PLVAP: variants seen among roughly 807,000 people sequenced by gnomAD.
PLVAP encodes plasmalemma vesicle associated protein, also known as plasmalemma vesicle-associated protein.
In PLVAP, 34 loss-of-function variants were observed where a neutral mutation model predicts 43.1. The observed-to-expected ratio is 0.79, with a 90% CI of 0.60 to 1.05. PLVAP has a LOEUF of 1.05. PLVAP is among the 50% of genes least tolerant of loss of function. PLVAP has a pLI of 0.00. For synonymous variants in PLVAP, 241 were observed against 237.3 expected (o/e 1.02, Z -0.14); for missense variants, 574 against 593.4 (o/e 0.97, Z 0.34).
chr19:17,358,679 C>A (rs1467730085), intron 5 of PLVAP, among the ~76,000 whole-genome samples: 1 of 152,226 alleles, frequency 6.6e-6, no homozygotes, highest in Non-Finnish European at 1.5e-5. Flanking sequence ...CAAGCCATGA[C>A]CTGAGCGTGT....
intron 1 of PLVAP, among the ~76,000 whole-genome samples, chr19:17,372,387 C>T (rs184785386): frequency 1.0e-4 from 15 of 148,846 alleles, no homozygotes; most frequent in East Asian, 4.0e-4. Context: ...CCAGCCTGGG[C>T]GACAGAGTGA....
rs778180557 is a variant in PLVAP, at chr19:17,376,958, G to T, written c.331C>A (p.Arg111Ser). The stretch of plus-strand genomic sequence containing the variant: ...CACTGGCGGAAGCTGGCATTGATGC[G>T]GTCCAGGTCGCGGCGAGCATTCAGC... ...MWLNARRDLDRINASFRQCQG... is the reference protein window; with the variant it reads ...MWLNARRDLDSINASFRQCQG... The change falls in exon 1 of 6, where the codon CGC (arginine) becomes AGC (serine). Residue 111 changes from arginine to serine, a missense_variant. Coordinates refer to ENST00000252590, the MANE Select transcript of PLVAP (RefSeq NM_031310.3). 1.2e-6 allele frequency: 2 copies of T among 1,614,068 alleles called. No individual in the cohort carries two copies. Among genetic ancestry groups the T allele is most frequent in the South Asian group, 2.2e-5 (2 of 91,080 alleles).
intron 5 of PLVAP, among the ~76,000 whole-genome samples, chr19:17,359,000 A>T (rs968088776): frequency 2.6e-5 from 4 of 151,838 alleles, no homozygotes; most frequent in Admixed American, 1.3e-4. Flanking sequence ...GGGTTTTGCT[A>T]TGTTGCCCAG....
At position 17,367,050 on chromosome 19, in the gene PLVAP, C is replaced by T. The variant is rs562183864; in HGVS notation, c.370-855G>A. On this transcript the variant is annotated intron_variant, in intron 1 of 5. Transcript: ENST00000252590. ...CTTGACCTCCCAGGCTCAAGCAATC[C>T]TCTTGCATCAGTCTCCCGAGGAGCT... 3.0e-4 allele frequency among the ~76,000 whole-genome samples: 46 copies of T among 150,894 alleles called. 1 individual carries two copies. The South Asian group carries it at 8.2e-3, about 27-fold the overall frequency.
chr19:17,363,855 G>A (rs1259627405), intron 3 of PLVAP, among the ~76,000 whole-genome samples: 2 of 148,320 alleles, frequency 1.3e-5, no homozygotes, highest in Non-Finnish European at 3.0e-5. Context: ...CCATTCTCCC[G>A]CCTCAGCCTG....
intron 3 of PLVAP, among the ~76,000 whole-genome samples, chr19:17,363,057 T>C (rs750964945): frequency 4.6e-5 from 7 of 152,192 alleles, no homozygotes; most frequent in Non-Finnish European, 8.8e-5. Context: ...CAGCCTCGAT[T>C]CTTTCATTTT....
chr19:17,375,574 T>TA (rs926806422), intron 1 of PLVAP, among the ~76,000 whole-genome samples: 2 of 150,944 alleles, frequency 1.3e-5, no homozygotes, highest in South Asian at 2.1e-4. Flanking sequence ...ATTCTGTCTC[T>TA]AAAAAAAAGT....
chr19:17,356,805 C>A (rs1410040268), intron 5 of PLVAP, among the ~76,000 whole-genome samples: 1 of 151,180 alleles, frequency 6.6e-6, no homozygotes, highest in Non-Finnish European at 1.5e-5. Context: ...ACTAAAAAAA[C>A]AAAATTAGCC....
At chr19:17,361,278 C>T (rs1027973579) in intron 3 of PLVAP, among the ~76,000 whole-genome samples, 1 of 152,170 alleles carries the variant, frequency 6.6e-6, no homozygotes, top group Non-Finnish European at 1.5e-5. Context: ...GGCAGGGTAA[C>T]AGACCCCATG....
intron 3 of PLVAP, among the ~76,000 whole-genome samples, chr19:17,363,513 C>T (rs2074536086): frequency 1.3e-5 from 2 of 151,882 alleles, no homozygotes; most frequent in African/African-American, 4.8e-5. Flanking sequence ...GCAATGAACA[C>T]AGTACCCAAA....
intron 5 of PLVAP, among the ~76,000 whole-genome samples, chr19:17,357,861 A>G (rs940514374): frequency 1.3e-5 from 2 of 151,954 alleles, no homozygotes; most frequent in African/African-American, 2.4e-5. Flanking sequence ...TTAAGTACAC[A>G]TTGTTTTCTC....
Position 17,352,200 on chromosome 19 carries a change from T to G in PLVAP, c.*162A>C. On this transcript the variant is annotated 3_prime_UTR_variant, in exon 6 of 6. Coordinates refer to ENST00000252590, the MANE Select transcript of PLVAP (RefSeq NM_031310.3). ...GGATCGTGAGGCGCGGGTGCGGGTG[T>G]GAGAGGGTACTAGGGGTTTGCATGC... The G allele has an allele frequency of 3.2e-6, 3 of 933,570 alleles. No individual in the cohort carries two copies. The highest frequency in any genetic ancestry group is 3.3e-4 in the Middle Eastern group (1 of 3,060). The allele number at this position is 933,570 out of a possible 1,614,324, so 57.8% of individuals were successfully genotyped here. A position where few individuals can be genotyped will look rare whatever the true frequency, so the allele number is the denominator to read the frequency against.
rs2074524404 is a variant in PLVAP, at chr19:17,360,675, G to A, written c.1241-66C>T. ...TTGCCCCTGCCCCTGGGCTAGGGAT[G>A]GGCTGGCAGCCCAGGGGAGTGGGAA... On this transcript the variant is annotated intron_variant, in intron 4 of 5. Coordinates refer to ENST00000252590, the MANE Select transcript of PLVAP (RefSeq NM_031310.3). 5.1e-6 allele frequency: 8 copies of A among 1,581,614 alleles called. No individual in the cohort carries two copies. The South Asian group carries it at 8.9e-5, about 18-fold the overall frequency.
chr19:17,354,002 C>A (rs546179674), intron 5 of PLVAP, among the ~76,000 whole-genome samples: 4 of 152,282 alleles, frequency 2.6e-5, no homozygotes, highest in African/African-American at 7.2e-5. Context: ...CATCTTAAGC[C>A]CATACGGCCG....
At chr19:17,355,333 C>T (rs556764166) in intron 5 of PLVAP, among the ~76,000 whole-genome samples, 2 of 151,802 alleles carry the variant, frequency 1.3e-5, no homozygotes, top group African/African-American at 4.8e-5. Flanking sequence ...AGCCACATAG[C>T]TCCTGGACCA....
intron 3 of PLVAP, among the ~76,000 whole-genome samples, chr19:17,361,781 C>T (rs539782473): frequency 6.6e-6 from 1 of 152,218 alleles, no homozygotes; most frequent in South Asian, 2.1e-4. Context: ...TGAAAATACC[C>T]GTTTCGGGCC....
rs766211783 is a variant in PLVAP, at chr19:17,377,093, G to A, written c.196C>T (p.Arg66Ter). The change falls in exon 1 of 6, where the codon CGA becomes TGA. Residue 66 changes from arginine (R) to a stop codon, truncating the protein, a stop_gained. Transcript: ENST00000252590. LOFTEE classifies it high-confidence loss of function. ...TESNLQATER[R>*]AEGLYSQLLG... ...AGCTGACTGTATAGGCCCTCGGCTC[G>A]GCGCTCGGTGGCCTGCAGGTTGGAC... 5 of 1,614,096 alleles carry A rather than the reference G, an allele frequency of 3.1e-6. No individual in the cohort carries two copies. Among genetic ancestry groups the A allele is most frequent in the East Asian group, 2.2e-5 (1 of 44,870 alleles).
At chr19:17,371,683 A>G (rs938058758) in intron 1 of PLVAP, among the ~76,000 whole-genome samples, 4 of 151,784 alleles carry the variant, frequency 2.6e-5, no homozygotes, top group Non-Finnish European at 5.9e-5. Context: ...GGGTCTCACC[A>G]TGTTGCCCAG....
intron 1 of PLVAP, among the ~76,000 whole-genome samples, chr19:17,373,429 T>C (rs1277829777): frequency 1.3e-5 from 2 of 152,066 alleles, no homozygotes; most frequent in Non-Finnish European, 2.9e-5. Flanking sequence ...TGAGCAGGAC[T>C]GAGGGGGCTG....
Sources: gnomAD v4.1 joint callset for allele counts (sites outside exome capture counted in the v4.1 genomes callset) on GRCh38, gnomAD v4.1.1 for gene constraint, MANE v1.5 for transcripts, NCBI Gene and HGNC (gene_info 2026-07-23, HGNC 2026-07-21) for gene names.